SLC9A9: variants seen among roughly 807,000 people sequenced by gnomAD.
The protein encoded by SLC9A9 is solute carrier family 9 member A9.
SLC9A9 carries 62 observed loss-of-function variants against 77.8 expected under a neutral mutation model. The observed-to-expected ratio is 0.80, with a 90% CI of 0.65 to 0.98. SLC9A9 has a LOEUF of 0.98. SLC9A9 is among the 50% of genes least tolerant of loss of function. SLC9A9 has a pLI of 0.00. For synonymous variants in SLC9A9, 320 were observed against 283.5 expected, an observed-to-expected ratio of 1.13 and a Z score of -1.29; for missense variants, 775 against 774.9, an observed-to-expected ratio of 1.00 and a Z score of 0.00.
chr3:143,744,763 A>T (rs1935165152), intron 4 of SLC9A9, among the ~76,000 whole-genome samples: 1 of 152,184 alleles, frequency 6.6e-6, no homozygotes, highest in South Asian at 2.1e-4. Flanking sequence ...ATGAATAATG[A>T]TTAAGTCTAA....
At chr3:143,283,036 T>C (rs1251332947) in intron 14 of SLC9A9, among the ~76,000 whole-genome samples, 1 of 152,234 alleles carries the variant, frequency 6.6e-6, no homozygotes, top group Non-Finnish European at 1.5e-5. Flanking sequence ...CCTCTCTTGT[T>C]AGACTGTGAG....
At chr3:143,351,826 T>C (rs1398472169) in intron 14 of SLC9A9, among the ~76,000 whole-genome samples, 1 of 152,196 alleles carries the variant, frequency 6.6e-6, no homozygotes, top group Non-Finnish European at 1.5e-5. Flanking sequence ...ATTTTAACTT[T>C]ATGAAGCACT....
intron 5 of SLC9A9, among the ~76,000 whole-genome samples, chr3:143,659,403 C>T (rs562628559): frequency 9.8e-5 from 15 of 152,312 alleles, no homozygotes; most frequent in African/African-American, 3.4e-4. Context: ...AATAAGAGGG[C>T]TTCCCAAACA....
intron 4 of SLC9A9, among the ~76,000 whole-genome samples, chr3:143,782,387 ACT>A (rs1442343916): frequency 1.1e-4 from 17 of 151,774 alleles, no homozygotes; most frequent in African/African-American, 7.3e-5. Flanking sequence ...GAGGCTTGAA[ACT>A]CTGCATTTCT....
chr3:143,765,627 T>C (rs1216201195), intron 4 of SLC9A9, among the ~76,000 whole-genome samples: 1 of 152,234 alleles, frequency 6.6e-6, no homozygotes, highest in Non-Finnish European at 1.5e-5. Context: ...TTCGTGATTG[T>C]TGATATAAGT....
chr3:143,638,704 A>G (rs9873621), intron 6 of SLC9A9, among the ~76,000 whole-genome samples: 107,434 of 152,148 alleles, frequency 0.71, 38,012 homozygotes, highest in Non-Finnish European at 0.74. Context: ...TTATCTTCCA[A>G]TAGCTGGCAA....
intron 14 of SLC9A9, among the ~76,000 whole-genome samples, chr3:143,307,168 C>T (rs577468070): frequency 2.0e-4 from 31 of 152,284 alleles, no homozygotes; most frequent in East Asian, 3.9e-4. Flanking sequence ...ATACTGTATT[C>T]GGTGCCTCTA....
At chr3:143,816,776 G>A (rs1030148214) in intron 2 of SLC9A9, among the ~76,000 whole-genome samples, 8 of 152,186 alleles carry the variant, frequency 5.3e-5, no homozygotes, top group Non-Finnish European at 1.0e-4. Flanking sequence ...CCATAGTAAA[G>A]TGTAAGAGTA....
At chr3:143,645,735 A>C (rs1034230173) in intron 6 of SLC9A9, among the ~76,000 whole-genome samples, 4 of 152,172 alleles carry the variant, frequency 2.6e-5, no homozygotes, top group Non-Finnish European at 4.4e-5. Context: ...CTGCAGCATA[A>C]CAGTCTCATT....
intron 11 of SLC9A9, among the ~76,000 whole-genome samples, chr3:143,484,449 G>A (rs1362139279): frequency 6.6e-6 from 1 of 152,192 alleles, no homozygotes; most frequent in Non-Finnish European, 1.5e-5. Context: ...AATTCATGCA[G>A]AAAATCAAAG....
At chr3:143,803,805 G>A (rs956423385) in intron 2 of SLC9A9, among the ~76,000 whole-genome samples, 11 of 151,848 alleles carry the variant, frequency 7.2e-5, no homozygotes, top group South Asian at 4.2e-4. Context: ...AGCTGTCCCC[G>A]CCTTACATAC....
intron 9 of SLC9A9, among the ~76,000 whole-genome samples, chr3:143,514,977 T>C (rs2036181978): frequency 6.6e-6 from 1 of 152,244 alleles, no homozygotes; most frequent in South Asian, 2.1e-4. Flanking sequence ...GTCCTGCCTT[T>C]TGACATGCCT....
chr3:143,569,657 A>G (rs2037226028), intron 8 of SLC9A9, among the ~76,000 whole-genome samples: 1 of 152,098 alleles, frequency 6.6e-6, no homozygotes, highest in South Asian at 2.1e-4. Context: ...AGGAGGCAAT[A>G]CAATTAACCA....
intron 13 of SLC9A9, among the ~76,000 whole-genome samples, chr3:143,370,567 G>GTGCACACA (rs1553747861): frequency 7.0e-6 from 1 of 143,304 alleles, no homozygotes; most frequent in Non-Finnish European, 1.5e-5. Flanking sequence ...GCATGTGCGC[G>GTGCACACA]CACACACACA....
At chr3:143,372,502 G>A (rs764601658) in intron 13 of SLC9A9, among the ~76,000 whole-genome samples, 32 of 152,072 alleles carry the variant, frequency 2.1e-4, no homozygotes, top group South Asian at 1.7e-3. Flanking sequence ...TCTAAGACCT[G>A]AAACCATAAA....
At chr3:143,704,795 C>T (rs1240894509) in intron 4 of SLC9A9, among the ~76,000 whole-genome samples, 4 of 151,980 alleles carry the variant, frequency 2.6e-5, no homozygotes, top group African/African-American at 9.7e-5. Context: ...GGGTTCAAGA[C>T]CAGCCTGACC....
At chr3:143,743,534 TCCAA>T (rs2108818676) in intron 4 of SLC9A9, among the ~76,000 whole-genome samples, 1 of 152,226 alleles carries the variant, frequency 6.6e-6, no homozygotes, top group East Asian at 1.9e-4. Context: ...GGAAGAGTGT[TCCAA>T]CTTCAGGAGA....
intron 4 of SLC9A9, among the ~76,000 whole-genome samples, chr3:143,693,905 T>C (rs1389110081): frequency 1.3e-5 from 2 of 152,292 alleles, no homozygotes; most frequent in East Asian, 3.9e-4. Context: ...AATAGTTGCA[T>C]TGCGATCTTT....
At chr3:143,286,869 G>A (rs1327340447) in intron 14 of SLC9A9, among the ~76,000 whole-genome samples, 1 of 152,148 alleles carries the variant, frequency 6.6e-6, no homozygotes, top group Non-Finnish European at 1.5e-5. Flanking sequence ...TACCAGTGCA[G>A]GTCACCTTTG....
Sources: gnomAD v4.1 joint callset for allele counts (sites outside exome capture counted in the v4.1 genomes callset) on GRCh38, gnomAD v4.1.1 for gene constraint, MANE v1.5 for transcripts, NCBI Gene and HGNC (gene_info 2026-07-23, HGNC 2026-07-21) for gene names.